Variants in ATP2B2 observed in about 807,000 individuals in gnomAD.
ATP2B2 encodes plasma membrane calcium-transporting ATPase 2.
ATP2B2 carries 15 observed loss-of-function variants against 120.0 expected under a neutral mutation model. The ratio of observed to expected loss-of-function variants is 0.12; its 90% CI spans 0.08 to 0.19. The LOEUF (loss-of-function observed/expected upper bound fraction) is 0.19, where lower values mean the gene tolerates loss of function less well. Among genes scored for constraint, ATP2B2 ranks in the 10% least tolerant of loss-of-function variants. ATP2B2 has a pLI of 1.00. For missense variants in ATP2B2, 1,045 were observed against 1,719.8 expected, an observed-to-expected ratio of 0.61 and a Z score of 6.94; for synonymous variants, 694 against 700.3, an observed-to-expected ratio of 0.99 and a Z score of 0.14.
chr3:10,359,064 G>A (rs1001753540), intron 13 of ATP2B2, 139 bp from the exon 14 acceptor site: 25 of 845,086 alleles, frequency 3.0e-5, no homozygotes, highest in Non-Finnish European at 2.4e-5. Flanking sequence ...CCCCAGGCAG[G>A]GTGAAATCAA....
intron 2 of ATP2B2, among the ~76,000 whole-genome samples, chr3:10,438,748 C>T (rs2063555995): frequency 6.6e-6 from 1 of 152,212 alleles, no homozygotes; most frequent in Non-Finnish European, 1.5e-5. Context: ...AGGATCTCTC[C>T]AGCTGAACTC....
chr3:10,435,926 G>A (rs2063467186), intron 2 of ATP2B2, among the ~76,000 whole-genome samples: 1 of 152,252 alleles, frequency 6.6e-6, no homozygotes, highest in Admixed American at 6.5e-5. Flanking sequence ...AAAGGCCTGT[G>A]TTGAGTTTTG....
Position 10,585,493 on chromosome 3 carries a change from G to GAAAAAAAA in ATP2B2, c.-415+34416_-415+34423dup, listed in dbSNP as rs60670471. 5.1e-3 allele frequency among the ~76,000 whole-genome samples: 145 copies of GAAAAAAAA among 28,508 alleles called. 35 individuals carry two copies. The East Asian group carries it at 0.22, about 44-fold the overall frequency. 18.7% of individuals were successfully genotyped at this position (28,508 alleles called of 152,430 possible). On this transcript the variant is annotated intron_variant, in intron 2 of 21. Coordinates refer to the ATP2B2 transcript ENST00000646379. ...TGGGCGACAGAGCGAGACTCCGTCT[G>GAAAAAAAA]AAAAAAAAAAAAAAAAAAAAAAAAG...
intron 1 of ATP2B2, among the ~76,000 whole-genome samples, chr3:10,491,374 T>C (rs1421285574): frequency 1.3e-5 from 2 of 152,064 alleles, no homozygotes; most frequent in Non-Finnish European, 2.9e-5. Context: ...TACAGGTGCA[T>C]ACCACCATGC....
intron 1 of ATP2B2, among the ~76,000 whole-genome samples, chr3:10,622,882 G>A (rs115893704): frequency 0.013 from 1,975 of 152,212 alleles, 44 homozygotes; most frequent in African/African-American, 0.045. Flanking sequence ...CTTGAATCTC[G>A]GCTCCATAGC....
chr3:10,672,544 G>C (rs574665447), intron 1 of ATP2B2, among the ~76,000 whole-genome samples: 1 of 152,246 alleles, frequency 6.6e-6, no homozygotes, highest in Non-Finnish European at 1.5e-5. Flanking sequence ...GCACAAGGCA[G>C]TTTGGACTAA....
intron 2 of ATP2B2, among the ~76,000 whole-genome samples, chr3:10,604,522 G>T (rs761805677): frequency 6.6e-6 from 1 of 152,204 alleles, no homozygotes; most frequent in South Asian, 2.1e-4. Context: ...ACAGAGTCTG[G>T]AATCCATAGC....
chr3:10,395,080 G>T (rs1309216441), intron 5 of ATP2B2, among the ~76,000 whole-genome samples: 1 of 152,206 alleles, frequency 6.6e-6, no homozygotes, highest in Non-Finnish European at 1.5e-5. Flanking sequence ...ATTGGGATAG[G>T]ACCAGGGTCC....
chr3:10,591,333 T>C (rs2068638765), intron 2 of ATP2B2, among the ~76,000 whole-genome samples: 1 of 152,134 alleles, frequency 6.6e-6, no homozygotes, highest in Admixed American at 6.5e-5. Flanking sequence ...CTGTCCTCCA[T>C]ACAGCAGGCA....
intron 1 of ATP2B2, among the ~76,000 whole-genome samples, chr3:10,497,702 C>G (rs567338725): frequency 1.3e-4 from 20 of 152,326 alleles, no homozygotes; most frequent in Middle Eastern, 3.4e-3. Flanking sequence ...ATCCCAGAGT[C>G]TATGCTTTAA....
At chr3:10,551,144 C>G (rs1295643472) in intron 2 of ATP2B2, among the ~76,000 whole-genome samples, 1 of 152,200 alleles carries the variant, frequency 6.6e-6, no homozygotes, top group Non-Finnish European at 1.5e-5. Flanking sequence ...CCAAGTCGCT[C>G]AAATAACTAC....
At chr3:10,361,330 G>C (rs889457666) in intron 12 of ATP2B2, among the ~76,000 whole-genome samples, 2 of 152,160 alleles carry the variant, frequency 1.3e-5, no homozygotes, top group Non-Finnish European at 2.9e-5. Flanking sequence ...AACTGCGCCC[G>C]GTTGTAACAC....
chr3:10,461,750 T>C (rs2064500295), intron 1 of ATP2B2, among the ~76,000 whole-genome samples: 1 of 152,178 alleles, frequency 6.6e-6, no homozygotes. Context: ...TAGCCCACAC[T>C]TTCCTGGTTT....
In ATP2B2 at chr3:10,350,551, C is replaced by T. The variant is rs928681391; in HGVS notation, c.2163G>A (p.Gln721=). 1.2e-5 allele frequency: 19 copies of T among 1,613,722 alleles called. No homozygotes were observed. The highest frequency in any genetic ancestry group is 1.6e-5 in the Non-Finnish European group (19 of 1,180,032). ...CCATGCGGACCGTGATGCCTGCCCG[C>T]TGGCACTTGCGGATGGCTTCTGGGA... ...PEVPEAIRKC[Q]RAGITVRMVT... is the part of the protein sequence containing the mutation. Residue 721 remains glutamine, a synonymous_variant, in exon 15 of 23, where the codon CAG becomes CAA. Coordinates refer to ENST00000360273, the MANE Select transcript of ATP2B2 (RefSeq NM_001001331.4).
chr3:10,355,518 C>T (rs1308613301), intron 14 of ATP2B2, among the ~76,000 whole-genome samples: 1 of 152,130 alleles, frequency 6.6e-6, no homozygotes. Flanking sequence ...TGGGAGGGAC[C>T]CAAGGGGCAC....
chr3:10,674,464 G>T (rs2071195714), intron 1 of ATP2B2, among the ~76,000 whole-genome samples: 1 of 152,228 alleles, frequency 6.6e-6, no homozygotes, highest in South Asian at 2.1e-4. Context: ...GGTGACTCAT[G>T]AGAGTATACA....
At chr3:10,585,063 TG>T (rs2068475106) in intron 2 of ATP2B2, among the ~76,000 whole-genome samples, 1 of 152,136 alleles carries the variant, frequency 6.6e-6, no homozygotes, top group Admixed American at 6.5e-5. Flanking sequence ...ACCTCTGGTC[TG>T]GATGCCGGCA....
intron 2 of ATP2B2, among the ~76,000 whole-genome samples, chr3:10,411,196 G>T (rs915201413): frequency 1.3e-5 from 2 of 152,162 alleles, no homozygotes; most frequent in African/African-American, 4.8e-5. Context: ...ACAGAAGGAT[G>T]ATGGCCACGC....
intron 2 of ATP2B2, among the ~76,000 whole-genome samples, chr3:10,613,221 G>T (rs767976482): frequency 2.6e-5 from 4 of 152,166 alleles, no homozygotes; most frequent in African/African-American, 9.7e-5. Context: ...AAAAATGTGT[G>T]GGAGCTCTGT....
Sources: gnomAD v4.1 joint callset for allele counts (sites outside exome capture counted in the v4.1 genomes callset) on GRCh38, gnomAD v4.1.1 for gene constraint, MANE v1.5 for transcripts, NCBI Gene and HGNC (gene_info 2026-07-23, HGNC 2026-07-21) for gene names.